DYNLT2B: variants seen among roughly 807,000 people sequenced by gnomAD.
DYNLT2B encodes dynein light chain Tctex-type 2B, also known as dynein light chain Tctex-type protein 2B.
DYNLT2B carries 14 observed loss-of-function variants against 19.5 expected under a neutral mutation model. That is an observed-to-expected ratio of 0.72 (90% CI 0.47 to 1.12). The LOEUF is 1.12. DYNLT2B is among the 50% of genes most tolerant of loss of function. The pLI is 0.00. For synonymous variants in DYNLT2B, 70 were observed against 59.7 expected (o/e 1.17, Z -0.79); for missense variants, 133 against 174.7 (o/e 0.76, Z 1.35).
At chr3:196,303,252 C>T (rs909721631) in intron 3 of DYNLT2B, among the ~76,000 whole-genome samples, 1 of 152,074 alleles carries the variant, frequency 6.6e-6, no homozygotes, top group Non-Finnish European at 1.5e-5. Context: ...TCCTTAAAAA[C>T]TCTGCTCCCC....
chr3:196,291,505 G>A, intron 4 of DYNLT2B, 131 bp from the exon 5 acceptor site: 2 of 876,824 alleles, frequency 2.3e-6, no homozygotes, highest in South Asian at 1.9e-5. Context: ...TTGAGACAGG[G>A]TGTCACTCTA....
chr3:196,309,799 A>C (rs965361860), intron 2 of DYNLT2B, among the ~76,000 whole-genome samples: 3 of 151,502 alleles, frequency 2.0e-5, no homozygotes, highest in Admixed American at 6.6e-5. Context: ...CTAAAAATAC[A>C]TTAGCAGGGC....
At chr3:196,310,348 G>A (rs1726604350) in intron 2 of DYNLT2B, among the ~76,000 whole-genome samples, 1 of 151,890 alleles carries the variant, frequency 6.6e-6, no homozygotes, top group Non-Finnish European at 1.5e-5. Flanking sequence ...CTGACCTCAG[G>A]TGATCCACCT....
intron 3 of DYNLT2B, among the ~76,000 whole-genome samples, chr3:196,306,227 C>G (rs80274198): frequency 0.08 from 10,605 of 131,974 alleles, 430 homozygotes; most frequent in Middle Eastern, 0.19. Flanking sequence ...GACTGGCCAA[C>G]AGAGTGTGAC....
chr3:196,296,667 T>C (rs1416582013), intron 3 of DYNLT2B, among the ~76,000 whole-genome samples: 2 of 152,164 alleles, frequency 1.3e-5, no homozygotes, highest in Non-Finnish European at 2.9e-5. Flanking sequence ...AATGAAATTA[T>C]GGTATTTCTC....
chr3:196,307,384 C>T (rs1726515892), intron 2 of DYNLT2B, among the ~76,000 whole-genome samples: 1 of 152,130 alleles, frequency 6.6e-6, no homozygotes, highest in African/African-American at 2.4e-5. Flanking sequence ...TCACCGGCAA[C>T]CTCTGCCTCC....
intron 2 of DYNLT2B, among the ~76,000 whole-genome samples, chr3:196,312,126 C>T (rs746302615): frequency 3.3e-5 from 5 of 152,138 alleles, no homozygotes; most frequent in East Asian, 1.9e-4. Context: ...GTGATCCGCC[C>T]GCCTCGGCCT....
intron 3 of DYNLT2B, among the ~76,000 whole-genome samples, chr3:196,297,566 T>C (rs1726254777): frequency 6.6e-6 from 1 of 152,126 alleles, no homozygotes; most frequent in Non-Finnish European, 1.5e-5. Context: ...AAAAAAAAAT[T>C]ACAAATGTTT....
chr3:196,316,408 C>T (rs990966453), intron 1 of DYNLT2B, among the ~76,000 whole-genome samples, 177 bp from the exon 2 acceptor site: 3 of 152,134 alleles, frequency 2.0e-5, no homozygotes, highest in Non-Finnish European at 2.9e-5. Flanking sequence ...GTATCTTCAA[C>T]CTGGACCTGC....
intron 2 of DYNLT2B, among the ~76,000 whole-genome samples, chr3:196,310,734 G>GTTTTGT (rs1414970624): frequency 6.7e-6 from 1 of 150,230 alleles, no homozygotes; most frequent in Non-Finnish European, 1.5e-5. Context: ...GGCCTGTTTT[G>GTTTTGT]TTTTGTTTTT....
chr3:196,311,893 TTTG>T (rs1269956570), intron 2 of DYNLT2B, among the ~76,000 whole-genome samples: 1 of 151,930 alleles, frequency 6.6e-6, no homozygotes, highest in African/African-American at 2.4e-5. Context: ...CCGGCTAATT[TTTG>T]TTTTGTTTTT....
chr3:196,314,178 T>C (rs56370923), intron 2 of DYNLT2B, among the ~76,000 whole-genome samples: 48,553 of 151,802 alleles, frequency 0.32, 8,858 homozygotes, highest in East Asian at 0.83. Flanking sequence ...GAAGATATTC[T>C]TTCTCTTCAA....
At chr3:196,316,542 T>C (rs948409241) in intron 1 of DYNLT2B, among the ~76,000 whole-genome samples, 16 of 152,020 alleles carry the variant, frequency 1.1e-4, no homozygotes, top group African/African-American at 3.9e-4. Flanking sequence ...TTGTTGTTAA[T>C]TTTGTTCTGC....
intron 3 of DYNLT2B, among the ~76,000 whole-genome samples, chr3:196,299,430 C>T (rs2108791820): frequency 1.3e-5 from 2 of 151,932 alleles, no homozygotes; most frequent in Admixed American, 1.3e-4. Context: ...ACCATATTGC[C>T]CAGGTTGGTC....
At chr3:196,307,095 T>C (rs1726509466) in intron 2 of DYNLT2B, 83 bp from the exon 3 acceptor site, 1 of 1,205,366 alleles carries the variant, frequency 8.3e-7, no homozygotes, top group African/African-American at 1.5e-5. Context: ...GAAATGGACA[T>C]AAACATTCAA....
rs1055569551 is a variant in DYNLT2B, at chr3:196,314,468, G to GA, written c.247+1629dup. 5.5e-3 allele frequency among the ~76,000 whole-genome samples: 350 copies of GA among 63,464 alleles called. 1 individual carries two copies. The highest frequency in any genetic ancestry group is 9.1e-3 in the East Asian group (19 of 2,088). The allele number at this position is 63,464 out of a possible 152,430, so 41.6% of individuals were successfully genotyped here. A position where few individuals can be genotyped will look rare whatever the true frequency, so the allele number is the denominator to read the frequency against. On this transcript the variant is annotated intron_variant, in intron 2 of 4. Transcript: ENST00000325318. ...ACAGAGCGAGACTCTGTCTCAAAAA[G>GA]AAAAAAAAAAAAAAAAAGAACTTTT...
intron 2 of DYNLT2B, among the ~76,000 whole-genome samples, chr3:196,311,053 C>T (rs1036805333): frequency 9.9e-5 from 15 of 151,780 alleles, no homozygotes; most frequent in African/African-American, 3.6e-4. Flanking sequence ...GGTTATTAAG[C>T]AACATAAAGA....
intron 2 of DYNLT2B, among the ~76,000 whole-genome samples, chr3:196,311,355 T>C (rs1477638693): frequency 6.6e-6 from 1 of 150,450 alleles, no homozygotes; most frequent in Non-Finnish European, 1.5e-5. Flanking sequence ...GAGCCAAGAC[T>C]GCGCCACTGC....
Position 196,291,304 on chromosome 3 carries a change from TTA to T in DYNLT2B, c.*21_*22del. On this transcript the variant is annotated 3_prime_UTR_variant, in exon 5 of 5. Coordinates refer to ENST00000325318, the MANE Select transcript of DYNLT2B (RefSeq NM_152773.5). ...TCAGATTTCTTCATGGTCATGTCTT[TTA>T]CCAGCTTTTCAAAGATTCATTCAGT... The T allele has an allele frequency of 6.2e-7, 1 of 1,601,440 alleles. No individual in the cohort carries two copies. Among genetic ancestry groups the T allele is most frequent in the Non-Finnish European group, 8.5e-7 (1 of 1,175,082 alleles).
Sources: gnomAD v4.1 joint callset for allele counts (sites outside exome capture counted in the v4.1 genomes callset) on GRCh38, gnomAD v4.1.1 for gene constraint, MANE v1.5 for transcripts, NCBI Gene and HGNC (gene_info 2026-07-23, HGNC 2026-07-21) for gene names.